Variants in CADPS2 observed in about 807,000 individuals in gnomAD.
CADPS2 encodes the protein calcium-dependent secretion activator 2.
In CADPS2, 93 loss-of-function variants were observed where a neutral mutation model predicts 172.5. The observed-to-expected ratio is 0.54, with a 90% confidence interval of 0.46 to 0.64. The LOEUF is 0.64. Ranked by LOEUF, CADPS2 falls within the 30% of genes least tolerant of loss-of-function variation. CADPS2 has a pLI of 0.00. For missense variants in CADPS2, 1,420 were observed against 1,565.9 expected (o/e 0.91, Z 1.57); for synonymous variants, 546 against 555.2 (o/e 0.98, Z 0.23).
intron 1 of CADPS2, among the ~76,000 whole-genome samples, chr7:122,754,757 A>C (rs1589000812): frequency 1.3e-5 from 2 of 152,188 alleles, no homozygotes; most frequent in African/African-American, 4.8e-5. Flanking sequence ...TTACTGGCAT[A>C]AGCCACCACA....
In CADPS2 at chr7:122,394,024, T is replaced by G. The variant is rs375349065; in HGVS notation, c.2747-442A>C. On this transcript the variant is annotated intron_variant, in intron 20 of 29. Coordinates refer to ENST00000449022, the MANE Select transcript of CADPS2 (RefSeq NM_017954.11). ...TCTCAATTCTAAGAGGTAAGCTTGA[T>G]GACTTGTAAAAGCTATTCTTGTTCA... Among the ~76,000 whole-genome samples, 3 of 152,330 alleles carry G rather than the reference T, an allele frequency of 2.0e-5. 1 individual carries two copies. Among genetic ancestry groups the G allele is most frequent in the Admixed American group, 2.0e-4 (3 of 15,298 alleles).
Position 122,574,373 on chromosome 7 carries a change from C to T in CADPS2, c.1335+6806G>A, listed in dbSNP as rs574876483. 1.1e-4 allele frequency among the ~76,000 whole-genome samples: 15 copies of T among 130,532 alleles called. No homozygotes were observed. In the East Asian group the frequency reaches 3.5e-3, roughly 31 times the overall value. The allele number at this position is 130,532 out of a possible 152,430, so 85.6% of individuals were successfully genotyped here. The stretch of plus-strand genomic sequence containing the variant: ...AGGTAGGAAGATCTCTTGAGCCTAG[C>T]AGGTGGAGGCTGCAGTGAGCCACGA... On this transcript the variant is annotated intron_variant, in intron 7 of 29. Coordinates refer to ENST00000449022, the MANE Select transcript of CADPS2 (RefSeq NM_017954.11).
At chr7:122,822,012 C>T (rs924466404) in intron 1 of CADPS2, among the ~76,000 whole-genome samples, 5 of 151,284 alleles carry the variant, frequency 3.3e-5, no homozygotes, top group African/African-American at 7.3e-5. Context: ...TCTAGTCATA[C>T]TCCTATTCAC....
chr7:122,401,586 G>C (rs1013075612), intron 20 of CADPS2, among the ~76,000 whole-genome samples: 2 of 152,166 alleles, frequency 1.3e-5, no homozygotes, highest in African/African-American at 4.8e-5. Context: ...TAGTCACTCA[G>C]TATCATTGAA....
chr7:122,702,508 C>G, intron 2 of CADPS2: 7 of 1,613,680 alleles, frequency 4.3e-6, no homozygotes, highest in Non-Finnish European at 5.9e-6. Context: ...CATTCTGATT[C>G]CATCCTTCAG....
At chr7:122,579,425 G>C (rs1274394536) in intron 7 of CADPS2, among the ~76,000 whole-genome samples, 1 of 141,236 alleles carries the variant, frequency 7.1e-6, no homozygotes, top group Non-Finnish European at 1.5e-5. Flanking sequence ...AGCATAAGCG[G>C]TTTCTCAGAT....
chr7:122,391,093 ATATAAATGTTTCTTTT>A (rs1418887207), intron 22 of CADPS2, among the ~76,000 whole-genome samples: 1 of 152,088 alleles, frequency 6.6e-6, no homozygotes. Context: ...TTTATGTTAA[ATATAAATGTTTCTTTT>A]TATTAATGTT....
chr7:122,773,190 A>G (rs2093757199), intron 1 of CADPS2, among the ~76,000 whole-genome samples: 1 of 152,086 alleles, frequency 6.6e-6, no homozygotes, highest in Admixed American at 6.5e-5. Context: ...TGAAAATTAT[A>G]GTATTAAATG....
At chr7:122,380,286 G>A (rs2042836603) in intron 24 of CADPS2, among the ~76,000 whole-genome samples, 1 of 151,836 alleles carries the variant, frequency 6.6e-6, no homozygotes, top group Non-Finnish European at 1.5e-5. Flanking sequence ...ACAACTGATT[G>A]TCCCCAATAG....
chr7:122,427,166 T>A (rs2049278015), intron 17 of CADPS2: 1 of 152,084 alleles, frequency 6.6e-6, no homozygotes, highest in African/African-American at 2.4e-5. Flanking sequence ...TTTTTTCTTT[T>A]CTTTTTTAGA....
chr7:122,649,133 A>G (rs931044298), intron 3 of CADPS2, among the ~76,000 whole-genome samples: 3 of 151,188 alleles, frequency 2.0e-5, no homozygotes, highest in Non-Finnish European at 4.4e-5. Flanking sequence ...TAAATATTCA[A>G]ATCATTTCCT....
At chr7:122,815,940 T>G (rs1400607997) in intron 1 of CADPS2, among the ~76,000 whole-genome samples, 1 of 152,222 alleles carries the variant, frequency 6.6e-6, no homozygotes, top group African/African-American at 2.4e-5. Context: ...GAAATTTTGA[T>G]ACAAGCATAC....
chr7:122,544,683 G>A (rs748359952), intron 8 of CADPS2, among the ~76,000 whole-genome samples: 1 of 152,146 alleles, frequency 6.6e-6, no homozygotes, highest in Non-Finnish European at 1.5e-5. Context: ...GAGCAAGAGA[G>A]GAAGTGAAAA....
At chr7:122,733,839 T>C (rs2091899287) in intron 2 of CADPS2, among the ~76,000 whole-genome samples, 1 of 152,094 alleles carries the variant, frequency 6.6e-6, no homozygotes, top group Non-Finnish European at 1.5e-5. Context: ...TCTTTCACTA[T>C]AAAATCAGAG....
Position 122,537,482 on chromosome 7 carries a change from A to G in CADPS2, c.1475+17068T>C, listed in dbSNP as rs569709445. ...TACACAAAAACTCAACATAAGCAGA[A>G]AAAAAGCTCTTTTGAGGTGAAACAA... On this transcript the variant is annotated intron_variant, in intron 8 of 29. Coordinates refer to ENST00000449022, the MANE Select transcript of CADPS2 (RefSeq NM_017954.11). Among the ~76,000 whole-genome samples the G allele has an allele frequency of 9.5e-4, 145 of 152,016 alleles. 1 individual carries two copies. The highest frequency in any genetic ancestry group is 6.8e-3 in the Middle Eastern group (2 of 294).
intron 1 of CADPS2, among the ~76,000 whole-genome samples, chr7:122,841,052 G>A (rs546242950): frequency 9.1e-4 from 138 of 152,200 alleles, no homozygotes; most frequent in Non-Finnish European, 1.8e-3. Context: ...ATCAATATAA[G>A]AAATCACTCA....
intron 17 of CADPS2, among the ~76,000 whole-genome samples, chr7:122,420,721 T>C (rs1330867230): frequency 6.6e-6 from 1 of 152,250 alleles, no homozygotes; most frequent in East Asian, 1.9e-4. Flanking sequence ...GTAATACATT[T>C]CAAACAGTGA....
chr7:122,569,235 T>A (rs1439594604), intron 7 of CADPS2, among the ~76,000 whole-genome samples: 1 of 151,902 alleles, frequency 6.6e-6, no homozygotes. Context: ...TATACACCAA[T>A]AACAGACAAA....
intron 13 of CADPS2, among the ~76,000 whole-genome samples, chr7:122,474,039 G>A (rs569351252): frequency 2.0e-3 from 300 of 150,198 alleles, no homozygotes; most frequent in Non-Finnish European, 3.2e-3. Flanking sequence ...ATGTCTGTAC[G>A]TCCTATAACA....
Sources: allele counts gnomAD v4.1 joint callset (sites outside exome capture counted in the v4.1 genomes callset), GRCh38; gene constraint gnomAD v4.1.1; transcripts MANE v1.5; gene names NCBI Gene and HGNC (gene_info 2026-07-23, HGNC 2026-07-21).